Variants in AGAP4 observed in about 807,000 individuals in gnomAD.
AGAP4 encodes the protein ArfGAP with GTPase domain, ankyrin repeat and PH domain 4.
In AGAP4, 13 loss-of-function variants were observed where a neutral mutation model predicts 60.7. The observed-to-expected ratio is 0.21, with a 90% confidence interval of 0.14 to 0.34. The LOEUF (loss-of-function observed/expected upper bound fraction) is 0.34, where lower values mean the gene tolerates loss of function less well. AGAP4 is among the 10% of genes least tolerant of loss of function. AGAP4 has a pLI of 1.00. For missense variants in AGAP4, 169 were observed against 884.0 expected, an observed-to-expected ratio of 0.19 and a Z score of 10.26; for synonymous variants, 70 against 339.0, an observed-to-expected ratio of 0.21 and a Z score of 8.72.
At chr10:45,852,781 G>C (rs1460081294) in intron 1 of AGAP4, among the ~76,000 whole-genome samples, 5 of 152,108 alleles carry the variant, frequency 3.3e-5, no homozygotes, top group African/African-American at 9.7e-5. Context: ...TCAGGACCTA[G>C]AGGCTACAAT....
At chr10:45,837,328 C>T (rs1163014964) in intron 4 of AGAP4, among the ~76,000 whole-genome samples, 2,468 of 139,794 alleles carry the variant, frequency 0.018, no homozygotes, top group African/African-American at 0.069. Flanking sequence ...CAACTCCCAT[C>T]AAAATACCAC....
At chr10:45,851,485 TTGTG>T (rs1174514323), upstream of AGAP4, among the ~76,000 whole-genome samples, 9 of 151,096 alleles carry the variant, frequency 6.0e-5, no homozygotes, top group African/African-American at 2.2e-4. Flanking sequence ...GTGATTGGGC[TTGTG>T]TGTGTGTGTG....
At chr10:45,853,016 G>C (rs1348541002) in intron 1 of AGAP4, among the ~76,000 whole-genome samples, 6 of 151,992 alleles carry the variant, frequency 3.9e-5, no homozygotes, top group Admixed American at 3.9e-4. Flanking sequence ...TCACAATAAA[G>C]TTTTACAACC....
upstream of AGAP4, among the ~76,000 whole-genome samples, chr10:45,851,090 C>T (rs1252151311): frequency 2.7e-5 from 4 of 150,570 alleles, no homozygotes; most frequent in African/African-American, 9.8e-5. Flanking sequence ...AAAGCTAATA[C>T]ATGAAAAAAA....
exon 1 of AGAP4, chr10:45,853,815 T>C: frequency 2.3e-6 from 3 of 1,286,518 alleles, no homozygotes; most frequent in Non-Finnish European, 3.0e-6. Flanking sequence ...TCTTTGCTGG[T>C]TTTATGATCC....
At chr10:45,852,312 C>A (rs1291635145), upstream of AGAP4, among the ~76,000 whole-genome samples, 1 of 140,004 alleles carries the variant, frequency 7.1e-6, no homozygotes, top group African/African-American at 2.7e-5. Context: ...CTAAAAAAAG[C>A]CTGATACACT....
intron 1 of AGAP4, chr10:45,853,554 C>G (rs1192016850): frequency 8.2e-7 from 1 of 1,215,148 alleles, no homozygotes; most frequent in African/African-American, 1.6e-5. Context: ...TACCATTTAT[C>G]AAGAGGTCTT....
chr10:45,832,469 G>T (rs2058750619), intron 5 of AGAP4, among the ~76,000 whole-genome samples: 1 of 147,816 alleles, frequency 6.8e-6, no homozygotes, highest in Admixed American at 6.7e-5. Context: ...TTCCACATGA[G>T]ACATTTTAAT....
upstream of AGAP4, among the ~76,000 whole-genome samples, chr10:45,848,148 T>C (rs2059030674): frequency 1.4e-5 from 2 of 147,112 alleles, no homozygotes; most frequent in South Asian, 2.3e-4. Context: ...CGAGTGGTCA[T>C]TTTTGTCCGC....
At chr10:45,827,782 TAAAAAA>T (rs1298607457) in intron 7 of AGAP4, among the ~76,000 whole-genome samples, 39 of 26,504 alleles carry the variant, frequency 1.5e-3, no homozygotes, top group African/African-American at 2.3e-3. Context: ...AGAGAGTCCA[TAAAAAA>T]AAAAAAAAAA....
rs2058753848 is a variant in AGAP4, at chr10:45,832,695, A to G, written c.498-1266T>C. Among the ~76,000 whole-genome samples the G allele has an allele frequency of 2.1e-5, 3 of 145,708 alleles. No individual in the cohort carries two copies. In the South Asian group the frequency reaches 6.9e-4, roughly 33 times the overall value. On this transcript the variant is annotated intron_variant, in intron 5 of 7. Coordinates refer to ENST00000616763, the MANE Select transcript of AGAP4 (RefSeq NM_001276343.3). The stretch of plus-strand genomic sequence containing the variant: ...ATAGAGGGAAAGTGGAGATGGGAAG[A>G]TACATGTGTTTGCAGACTTGTATTT...
chr10:45,853,940 T>C (rs79428436), upstream of AGAP4: 263,214 of 1,164,780 alleles, frequency 0.23, 32,091 homozygotes, highest in South Asian at 0.38. Flanking sequence ...TTCATTCATA[T>C]ATGTTTATCT....
At chr10:45,852,217 T>TAAAAAAAAAAAAAAAAAAAA (rs781889843), upstream of AGAP4, among the ~76,000 whole-genome samples, 3 of 91,714 alleles carry the variant, frequency 3.3e-5, no homozygotes, top group African/African-American at 1.1e-4. Context: ...GGCCAGACTT[T>TAAAAAAAAAAAAAAAAAAAA]AAAAAAAAAA....
rs2058945219 is a variant in AGAP4, at chr10:45,843,089, G to A, written c.361+1237C>T. On this transcript the variant is annotated intron_variant, in intron 3 of 7. Coordinates refer to ENST00000616763, the MANE Select transcript of AGAP4 (RefSeq NM_001276343.3). ...AAGCGGGTAGATCACTTGAGGTCAGGAGTTTCAGACCAGTCTGGCTAACAT... is the reference window on the plus strand; with the variant it reads ...AAGCGGGTAGATCACTTGAGGTCAGAAGTTTCAGACCAGTCTGGCTAACAT... Among the ~76,000 whole-genome samples the A allele has an allele frequency of 2.2e-5, 2 of 90,244 alleles. 1 individual carries two copies. Among genetic ancestry groups the A allele is most frequent in the South Asian group, 1.2e-3 (2 of 1,672 alleles). 59.2% of individuals were successfully genotyped at this position (90,244 alleles called of 152,430 possible).
At chr10:45,848,024 T>C (rs2059028626), upstream of AGAP4, 28 of 985,604 alleles carry the variant, frequency 2.8e-5, no homozygotes, top group Non-Finnish European at 3.3e-5. Flanking sequence ...AAAGCCTCAG[T>C]AGAGTGGGTC....
At position 45,829,864 on chromosome 10, in the gene AGAP4, A is replaced by T. The variant is rs3882768; in HGVS notation, c.533+1530T>A. On this transcript the variant is annotated intron_variant, in intron 6 of 7. Coordinates refer to ENST00000616763, the MANE Select transcript of AGAP4 (RefSeq NM_001276343.3). ...TTCAATACTTAAAGGCGTGTTAAAG[A>T]AAGATTGGTGGTTAAACTAAAAGTG... Among the ~76,000 whole-genome samples, 34 of 148,716 alleles carry T rather than the reference A, an allele frequency of 2.3e-4. 1 individual carries two copies. The highest frequency in any genetic ancestry group is 2.0e-3 in the East Asian group (10 of 5,064).
At chr10:45,849,395 C>A (rs1378526216), upstream of AGAP4, among the ~76,000 whole-genome samples, 1 of 151,280 alleles carries the variant, frequency 6.6e-6, no homozygotes, top group Admixed American at 6.6e-5. Context: ...TGGGTGGGGG[C>A]ATGGCAAAAC....
At chr10:45,846,897 A>G (rs2059007993) in intron 1 of AGAP4, 142 bp from the exon 2 acceptor site, 2 of 1,184,506 alleles carry the variant, frequency 1.7e-6, no homozygotes, top group East Asian at 5.1e-5. Context: ...TGAGAGAGCA[A>G]GAACTGGGCG....
chr10:45,840,054 T>A (rs1221060980), intron 4 of AGAP4, among the ~76,000 whole-genome samples: 2 of 148,786 alleles, frequency 1.3e-5, no homozygotes, highest in Non-Finnish European at 3.0e-5. Context: ...AAAAAAAAAA[T>A]TCTCAAGAAG....
Sources: gnomAD v4.1 joint callset for allele counts (sites outside exome capture counted in the v4.1 genomes callset) on GRCh38, gnomAD v4.1.1 for gene constraint, MANE v1.5 for transcripts, NCBI Gene and HGNC (gene_info 2026-07-23, HGNC 2026-07-21) for gene names.